ENO4: variants seen among roughly 807,000 people sequenced by gnomAD.
ENO4 encodes enolase 4.
ENO4 carries 53 observed loss-of-function variants against 63.2 expected under a neutral mutation model. That is an observed-to-expected ratio of 0.84 (90% CI 0.67 to 1.05). The LOEUF (loss-of-function observed/expected upper bound fraction) is 1.05, where lower values mean the gene tolerates loss of function less well. Ranked by LOEUF, ENO4 falls within the 50% of genes least tolerant of loss-of-function variation. The pLI is 0.00. For synonymous variants in ENO4, 266 were observed against 283.8 expected (o/e 0.94, Z 0.63); for missense variants, 719 against 772.0 (o/e 0.93, Z 0.81).
rs1183358959 is a variant in ENO4, at chr10:116,849,667, G to A, written c.101G>A (p.Arg34His). ...MEYYRENDVP[R>H]RLEELLNSTF... ...TACTACCGGGAGAACGACGTTCCGCGCAGGCTGGAAGAGCTGCTCAACTCC... is the reference window on the plus strand; with the variant it reads ...TACTACCGGGAGAACGACGTTCCGCACAGGCTGGAAGAGCTGCTCAACTCC... Residue 34 changes from arginine (R) to histidine (H), a missense_variant, in exon 1 of 14, where the codon CGC becomes CAC. Physicochemically the swap from Arg to His is conservative, Grantham distance 29. This residue lies in a region of ENO4 where 544 missense variants were observed against 583.6 expected (regional missense o/e 0.93). Transcript: ENST00000341276. 2 of 1,549,834 alleles carry A rather than the reference G, an allele frequency of 1.3e-6. No homozygotes were observed. Among genetic ancestry groups the A allele is most frequent in the Admixed American group, 3.9e-5 (2 of 50,934 alleles).
chr10:116,851,102 A>G (rs1205823926), intron 1 of ENO4, among the ~76,000 whole-genome samples: 1 of 152,244 alleles, frequency 6.6e-6, no homozygotes, highest in Non-Finnish European at 1.5e-5. Context: ...ACAAGCTAGG[A>G]CTAAAAACAT....
chr10:116,854,729 G>A (rs947725706), intron 1 of ENO4, among the ~76,000 whole-genome samples: 4 of 151,474 alleles, frequency 2.6e-5, no homozygotes, highest in Non-Finnish European at 5.9e-5. Context: ...GATTGCTTGA[G>A]GCCAGGAGTT....
chr10:116,890,490 T>G (rs1182987229), intron 10 of ENO4, among the ~76,000 whole-genome samples: 1 of 152,156 alleles, frequency 6.6e-6, no homozygotes, highest in Non-Finnish European at 1.5e-5. Flanking sequence ...GTCCAATAAT[T>G]TTTTCTTACC....
chr10:116,905,873 C>T (rs1222699472), intron 10 of ENO4, among the ~76,000 whole-genome samples: 1 of 152,192 alleles, frequency 6.6e-6, no homozygotes, highest in African/African-American at 2.4e-5. Context: ...GATGAAACCA[C>T]TGAAGACACG....
At chr10:116,905,477 C>T (rs1469213717) in intron 10 of ENO4, among the ~76,000 whole-genome samples, 1 of 152,092 alleles carries the variant, frequency 6.6e-6, no homozygotes, top group Non-Finnish European at 1.5e-5. Flanking sequence ...AACCTAAAAA[C>T]TGAATGGCTG....
chr10:116,904,699 T>C (rs1477420295), intron 10 of ENO4, among the ~76,000 whole-genome samples: 1 of 152,224 alleles, frequency 6.6e-6, no homozygotes, highest in Non-Finnish European at 1.5e-5. Context: ...CTTTCTGTAC[T>C]CTGAATTATT....
At chr10:116,890,170 T>C (rs1847293056) in intron 10 of ENO4, among the ~76,000 whole-genome samples, 1 of 146 alleles carries the variant, frequency 6.8e-3, no homozygotes, top group South Asian at 0.1. Context: ...GTTCAATTTT[T>C]TTTTCTACTT....
intron 7 of ENO4, among the ~76,000 whole-genome samples, chr10:116,863,652 G>T (rs1846477284): frequency 6.6e-6 from 1 of 152,164 alleles, no homozygotes; most frequent in Non-Finnish European, 1.5e-5. Flanking sequence ...AGTAGGATGG[G>T]GCTGGGATAC....
chr10:116,894,897 T>G (rs911913103), intron 10 of ENO4, among the ~76,000 whole-genome samples: 1 of 152,210 alleles, frequency 6.6e-6, no homozygotes, highest in African/African-American at 2.4e-5. Context: ...TCTGCCTGAC[T>G]GTGATGCAGA....
downstream of ENO4, chr10:116,884,267 C>A (rs117055344): frequency 2.0e-4 from 93 of 459,234 alleles, 1 homozygote; most frequent in East Asian, 5.9e-3. Context: ...ACAGTGTCAC[C>A]CCAGCCAGGG....
rs1257159912 is a variant in ENO4 at position 116,860,879 on chromosome 10, C to T, written c.720C>T (p.Ala240=). 1.7e-5 allele frequency: 26 copies of T among 1,549,630 alleles called. No homozygotes were observed. Among genetic ancestry groups the T allele is most frequent in the East Asian group, 4.9e-5 (2 of 40,910 alleles). The change falls in exon 5 of 14, where the codon GCC becomes GCT. Residue 240 remains alanine (A), a synonymous_variant. Coordinates refer to ENST00000341276, the MANE Select transcript of ENO4 (RefSeq NM_001242699.2). The part of the protein sequence containing the change: ...PVLSGSMAIG[A]VSLAVAKACA... ...TCAGTGGCAGTATGGCCATAGGGGC[C>T]GTGTCACTAGCTGTTGCCAAAGCCT... is the stretch of plus-strand genomic sequence containing the variant.
rs559443064 is a variant in ENO4, at chr10:116,853,766, A to C, written c.166-1857A>C. ...ATACAAACCACCATTTAAAGAATCC[A>C]CGGATAGCTTGAAAATGAGCTCTTG... On this transcript the variant is annotated intron_variant, in intron 1 of 13. Coordinates refer to ENST00000341276, the MANE Select transcript of ENO4 (RefSeq NM_001242699.2). Among the ~76,000 whole-genome samples, 5 of 152,356 alleles carry C rather than the reference A, an allele frequency of 3.3e-5. No homozygotes were observed. The South Asian group carries it at 1.0e-3, about 32-fold the overall frequency.
At chr10:116,901,879 G>A (rs77995805) in intron 10 of ENO4, 3 of 1,608,130 alleles carry the variant, frequency 1.9e-6, no homozygotes, top group Non-Finnish European at 2.5e-6. Context: ...CTTGTTCAAG[G>A]CTGTTTTTGT....
chr10:116,894,878 T>G (rs918998993), intron 10 of ENO4, among the ~76,000 whole-genome samples: 10 of 152,118 alleles, frequency 6.6e-5, no homozygotes, highest in Admixed American at 3.3e-4. Flanking sequence ...AACATGAAAC[T>G]CTTAAGCCTC....
intron 9 of ENO4, 120 bp from the exon 10 acceptor site, chr10:116,873,956 A>G (rs1846764664): frequency 7.5e-7 from 1 of 1,339,728 alleles, no homozygotes; most frequent in Non-Finnish European, 9.8e-7. Context: ...ACGTGCCCTG[A>G]AAAGAACCTG....
rs1847024772 is a variant in ENO4 at position 116,881,826 on chromosome 10, A to G, written c.*157A>G. 3 of 551,982 alleles carry G rather than the reference A, an allele frequency of 5.4e-6. No homozygotes were observed. Among genetic ancestry groups the G allele is most frequent in the African/African-American group, 2.0e-5 (1 of 51,096 alleles). 34.2% of individuals were successfully genotyped at this position (551,982 alleles called of 1,614,324 possible). A position where few individuals can be genotyped will look rare whatever the true frequency, so the allele number is the denominator to read the frequency against. Reference sequence around the variant, plus strand: ...TTCCACTGTTTGGTAAATTACATATATGATGTTTTTGCCTGAAATTCTGTG... The same window carrying G: ...TTCCACTGTTTGGTAAATTACATATGTGATGTTTTTGCCTGAAATTCTGTG... On this transcript the variant is annotated 3_prime_UTR_variant, in exon 14 of 14. Coordinates refer to ENST00000341276, the MANE Select transcript of ENO4 (RefSeq NM_001242699.2).
intron 10 of ENO4, chr10:116,906,751 A>C: frequency 1.2e-6 from 2 of 1,603,804 alleles, no homozygotes; most frequent in Non-Finnish European, 1.7e-6. Context: ...GTGTCCCCTA[A>C]AGTGAAAACA....
chr10:116,876,978 T>A (rs1038949938), intron 11 of ENO4, among the ~76,000 whole-genome samples: 1 of 151,432 alleles, frequency 6.6e-6, no homozygotes, highest in Non-Finnish European at 1.5e-5. Flanking sequence ...ATTAATTAAT[T>A]TACAGAAACC....
rs371072508 is a variant in ENO4, at chr10:116,856,626, G to A, written c.429G>A (p.Thr143=). 1.6e-4 allele frequency: 245 copies of A among 1,536,006 alleles called. 1 individual carries two copies. The African/African-American group carries it at 3.0e-3, about 19-fold the overall frequency. Reference sequence around the variant, plus strand: ...TGCAGTGGGTCAACAGCACCATCACGCACGAGCTCCAGGGGATGGCACCCT... The same window carrying A: ...TGCAGTGGGTCAACAGCACCATCACACACGAGCTCCAGGGGATGGCACCCT... ...TAVQWVNSTI[T]HELQGMAPSD... The change falls in exon 3 of 14, where the codon ACG becomes ACA. Residue 143 remains threonine, a synonymous_variant. Transcript: ENST00000341276.
Sources: gnomAD v4.1 joint callset for allele counts (sites outside exome capture counted in the v4.1 genomes callset) on GRCh38, gnomAD v4.1.1 for gene constraint, gnomAD v4.1.1 regional missense constraint, MANE v1.5 for transcripts, NCBI Gene and HGNC (gene_info 2026-07-23, HGNC 2026-07-21) for gene names.